SOX5: variants seen among roughly 807,000 people sequenced by gnomAD.
SOX5 encodes the protein SRY-box transcription factor 5.
SOX5 carries 9 observed loss-of-function variants against 92.0 expected under a neutral mutation model. The observed-to-expected ratio is 0.10, with a 90% CI of 0.06 to 0.17. The LOEUF is 0.17. Ranked by LOEUF, SOX5 falls within the 10% of genes least tolerant of loss-of-function variation. The probability of loss-of-function intolerance (pLI) is 1.00; values close to 1 mark genes in which losing one functional copy is unlikely to be tolerated. For synonymous variants in SOX5, 344 were observed against 336.3 expected, an observed-to-expected ratio of 1.02 and a Z score of -0.25; for missense variants, 642 against 944.5, an observed-to-expected ratio of 0.68 and a Z score of 4.20.
At chr12:24,303,610 T>C (rs557422167) in intron 2 of SOX5, among the ~76,000 whole-genome samples, 2 of 152,348 alleles carry the variant, frequency 1.3e-5, no homozygotes, top group South Asian at 2.1e-4. Context: ...GTAATTCCTA[T>C]AGTTGAAGAA....
intron 3 of SOX5, among the ~76,000 whole-genome samples, chr12:24,225,086 T>C (rs1303445570): frequency 6.6e-6 from 1 of 152,234 alleles, no homozygotes; most frequent in Non-Finnish European, 1.5e-5. Context: ...TAGGTATCCA[T>C]ACATTTTGGT....
intron 1 of SOX5, among the ~76,000 whole-genome samples, chr12:24,484,875 T>A (rs1051454944): frequency 6.6e-6 from 1 of 152,154 alleles, no homozygotes; most frequent in Non-Finnish European, 1.5e-5. Context: ...AAAACATAAG[T>A]AAATGATAAA....
At chr12:23,619,132 C>T (rs1188021904) in intron 8 of SOX5, among the ~76,000 whole-genome samples, 1 of 152,244 alleles carries the variant, frequency 6.6e-6, no homozygotes, top group East Asian at 1.9e-4. Context: ...ACGGATTCCG[C>T]TCTTACTTTT....
At chr12:23,723,585 C>T (rs201225324) in intron 6 of SOX5, among the ~76,000 whole-genome samples, 2,015 of 99,670 alleles carry the variant, frequency 0.02, 31 homozygotes, top group Non-Finnish European at 0.022. Flanking sequence ...TATATATACA[C>T]ACACACACAC....
intron 4 of SOX5, among the ~76,000 whole-genome samples, chr12:24,089,013 G>T (rs995219814): frequency 6.6e-6 from 1 of 152,014 alleles, no homozygotes; most frequent in Admixed American, 6.6e-5. Context: ...AAGTGCTGAT[G>T]ACTCGTTAAA....
At chr12:24,022,694 G>A (rs1954439164) in intron 4 of SOX5, among the ~76,000 whole-genome samples, 1 of 152,006 alleles carries the variant, frequency 6.6e-6, no homozygotes, top group Non-Finnish European at 1.5e-5. Flanking sequence ...CCATACACAT[G>A]CCCATGCCTA....
intron 6 of SOX5, among the ~76,000 whole-genome samples, chr12:23,726,904 A>T (rs2093164600): frequency 6.6e-6 from 1 of 152,166 alleles, no homozygotes; most frequent in South Asian, 2.1e-4. Flanking sequence ...GTTTACATGC[A>T]GATCTCTCTT....
At chr12:23,913,741 G>GAAAAA (rs765548695) in intron 1 of SOX5, among the ~76,000 whole-genome samples, 3 of 58,066 alleles carry the variant, frequency 5.2e-5, no homozygotes, top group East Asian at 5.5e-4. Flanking sequence ...TGTCTCAGAA[G>GAAAAA]AAAAAAAAAA....
At chr12:24,303,616 A>C (rs1948241785) in intron 2 of SOX5, among the ~76,000 whole-genome samples, 1 of 152,232 alleles carries the variant, frequency 6.6e-6, no homozygotes, top group Non-Finnish European at 1.5e-5. Flanking sequence ...CCTATAGTTG[A>C]AGAAAGTATA....
chr12:23,862,148 T>G (rs1193131493), intron 2 of SOX5, among the ~76,000 whole-genome samples: 1 of 152,120 alleles, frequency 6.6e-6, no homozygotes, highest in East Asian at 1.9e-4. Flanking sequence ...CCTGAATAAA[T>G]TCAATTATCT....
intron 4 of SOX5, among the ~76,000 whole-genome samples, chr12:24,084,324 G>A (rs980828437): frequency 1.3e-5 from 2 of 152,046 alleles, no homozygotes; most frequent in African/African-American, 4.8e-5. Flanking sequence ...ACAGTCTACT[G>A]TAGAGATGGG....
At chr12:24,036,060 T>C (rs145601419) in intron 4 of SOX5, among the ~76,000 whole-genome samples, 2 of 152,108 alleles carry the variant, frequency 1.3e-5, no homozygotes, top group South Asian at 2.1e-4. Context: ...AAAATTCTTA[T>C]AAAAGGCTTT....
chr12:24,225,492 T>A (rs201462572), intron 3 of SOX5, among the ~76,000 whole-genome samples: 3 of 131,742 alleles, frequency 2.3e-5, no homozygotes. Flanking sequence ...TTTTTTTTTT[T>A]TCCCCACTTA....
At position 23,859,540 on chromosome 12, in the gene SOX5, C is replaced by A. The variant is rs545935311; in HGVS notation, c.271-13347G>T. ...ACGTGTGCCCAGCGGGACATGGACCCTCATCAGTAATTCTAATTTCACCCT... is the reference window on the plus strand; with the variant it reads ...ACGTGTGCCCAGCGGGACATGGACCATCATCAGTAATTCTAATTTCACCCT... On this transcript the variant is annotated intron_variant, in intron 2 of 14. Coordinates refer to ENST00000451604, the MANE Select transcript of SOX5 (RefSeq NM_006940.6). 2.6e-5 allele frequency among the ~76,000 whole-genome samples: 4 copies of A among 152,250 alleles called. No homozygotes were observed. In the South Asian group the frequency reaches 8.3e-4, roughly 32 times the overall value.
At chr12:24,335,192 T>C (rs1347598164) in intron 2 of SOX5, among the ~76,000 whole-genome samples, 6 of 152,186 alleles carry the variant, frequency 3.9e-5, no homozygotes, top group African/African-American at 1.4e-4. Flanking sequence ...CTCTAGGTTC[T>C]TTGACCTCTC....
chr12:24,165,071 G>A (rs1240995760), intron 4 of SOX5, among the ~76,000 whole-genome samples: 1 of 151,928 alleles, frequency 6.6e-6, no homozygotes, highest in Non-Finnish European at 1.5e-5. Flanking sequence ...TTTACAATGG[G>A]TACATAAACA....
chr12:24,062,597 TG>T, intron 4 of SOX5, among the ~76,000 whole-genome samples: 1 of 152,268 alleles, frequency 6.6e-6, no homozygotes, highest in Non-Finnish European at 1.5e-5. Flanking sequence ...GGCAGAAGGG[TG>T]GGGCCTCCTG....
chr12:24,284,381 G>A (rs921646283), intron 2 of SOX5, among the ~76,000 whole-genome samples: 1 of 152,098 alleles, frequency 6.6e-6, no homozygotes, highest in Non-Finnish European at 1.5e-5. Flanking sequence ...CTACTGGGAG[G>A]AGAGCTGATG....
At chr12:23,991,053 A>G (rs1266551395) in intron 4 of SOX5, among the ~76,000 whole-genome samples, 2 of 151,722 alleles carry the variant, frequency 1.3e-5, no homozygotes, top group African/African-American at 2.4e-5. Context: ...TGAAAAAAAA[A>G]TGTGCTATAG....
Sources: gnomAD v4.1 joint callset for allele counts (sites outside exome capture counted in the v4.1 genomes callset) on GRCh38, gnomAD v4.1.1 for gene constraint, MANE v1.5 for transcripts, NCBI Gene and HGNC (gene_info 2026-07-23, HGNC 2026-07-21) for gene names.